The following FCRL4 variants were observed in gnomAD, a reference collection of about 807,000 sequenced individuals.
FCRL4 encodes the protein Fc receptor like 4.
In FCRL4, 43 loss-of-function variants were observed where a neutral mutation model predicts 64.1. The observed-to-expected ratio is 0.67, with a 90% CI of 0.53 to 0.87. The LOEUF is 0.87. Ranked by LOEUF, FCRL4 falls within the 40% of genes least tolerant of loss-of-function variation. FCRL4 has a pLI of 0.00. For missense variants in FCRL4, 656 were observed against 613.5 expected, an observed-to-expected ratio of 1.07 and a Z score of -0.73; for synonymous variants, 253 against 239.8, an observed-to-expected ratio of 1.05 and a Z score of -0.51.
intron 8 of FCRL4, 51 bp downstream of exon 8, chr1:157,580,270 A>G (rs775439074): frequency 1.2e-6 from 2 of 1,603,178 alleles, no homozygotes; most frequent in Non-Finnish European, 1.7e-6. Flanking sequence ...ACAGTTTTGC[A>G]TATTGTGTAC....
At chr1:157,579,108 G>T (rs1054378020) in intron 8 of FCRL4, among the ~76,000 whole-genome samples, 1 of 152,208 alleles carries the variant, frequency 6.6e-6, no homozygotes, top group African/African-American at 2.4e-5. Context: ...TGACATCATC[G>T]TAACAATCAT....
At chr1:157,590,633 T>C (rs1488906503) in intron 2 of FCRL4, among the ~76,000 whole-genome samples, 2 of 151,240 alleles carry the variant, frequency 1.3e-5, no homozygotes. Flanking sequence ...TTCTCCTGCC[T>C]CAGCCTCCTG....
In FCRL4 at chr1:157,587,552, G is replaced by C; in HGVS notation, c.571C>G (p.Pro191Ala). 6.2e-7 allele frequency: 1 copy of C among 1,613,624 alleles called. No individual in the cohort carries two copies. Among genetic ancestry groups the C allele is most frequent in the Non-Finnish European group, 8.5e-7 (1 of 1,179,988 alleles). Residue 191 changes from proline (P) to alanine (A), a missense_variant, in exon 5 of 12, where the codon CCA becomes GCA. Coordinates refer to ENST00000271532, the MANE Select transcript of FCRL4 (RefSeq NM_031282.3). Reference protein sequence around the residue: ...FKIIKIQELFPHPELKATDSQ... With the variant: ...FKIIKIQELFAHPELKATDSQ... The stretch of plus-strand genomic sequence containing the variant: ...TCTGTAGCTTTCAGCTCTGGATGTG[G>C]AAATAGTTCTAGAGAGAAGAGGTAA...
At chr1:157,578,418 T>C in intron 10 of FCRL4, 56 bp downstream of exon 10, 1 of 1,420,480 alleles carries the variant, frequency 7.0e-7, no homozygotes, top group South Asian at 1.1e-5. Flanking sequence ...GCTCAGTAAA[T>C]ATTTGTTGAA....
At chr1:157,585,550 C>T (rs556560127) in intron 6 of FCRL4, among the ~76,000 whole-genome samples, 7 of 152,058 alleles carry the variant, frequency 4.6e-5, no homozygotes, top group Non-Finnish European at 8.8e-5. Context: ...GGCTTCTCAG[C>T]GATGGAGGAA....
intron 6 of FCRL4, among the ~76,000 whole-genome samples, chr1:157,582,027 C>A (rs911166681): frequency 6.6e-6 from 1 of 152,142 alleles, no homozygotes; most frequent in Non-Finnish European, 1.5e-5. Flanking sequence ...ATGAAAATTG[C>A]ACCACTGATT....
At chr1:157,595,725 CA>C (rs1257716381) in intron 2 of FCRL4, among the ~76,000 whole-genome samples, 1 of 152,236 alleles carries the variant, frequency 6.6e-6, no homozygotes, top group Non-Finnish European at 1.5e-5. Context: ...CAGTGCACCT[CA>C]AGGGGGCCAA....
intron 2 of FCRL4, among the ~76,000 whole-genome samples, chr1:157,595,084 G>A (rs957592334): frequency 6.6e-6 from 1 of 152,134 alleles, no homozygotes; most frequent in Non-Finnish European, 1.5e-5. Flanking sequence ...ATTTTCAGTA[G>A]AGATGAGGTT....
rs78308668 is a variant in FCRL4, at chr1:157,589,476, A to C, written c.53-18T>G. On this transcript the variant is annotated intron_variant, in intron 2 of 11. Transcript: ENST00000271532. ...TGCAGCTGCTGAGGAGGAAAGAGTAATAGGTCTGAGGTGGAGGTGCCTGCA... is the reference window on the plus strand; with the variant it reads ...TGCAGCTGCTGAGGAGGAAAGAGTACTAGGTCTGAGGTGGAGGTGCCTGCA... 5,198 of 1,612,316 alleles carry C rather than the reference A, an allele frequency of 3.2e-3. 141 individuals are homozygous for C. In the African/African-American group the frequency reaches 0.062, roughly 19 times the overall value.
intron 8 of FCRL4, 147 bp downstream of exon 8, chr1:157,580,174 A>G: frequency 1.2e-6 from 1 of 861,322 alleles, no homozygotes; most frequent in South Asian, 1.5e-5. Context: ...AGGAAGCTTC[A>G]TTTTTGACAA....
At chr1:157,576,135 T>A (rs1461226939) in intron 10 of FCRL4, among the ~76,000 whole-genome samples, 4 of 152,238 alleles carry the variant, frequency 2.6e-5, no homozygotes, top group African/African-American at 4.8e-5. Flanking sequence ...AAAAACTCTC[T>A]CCTACATTAA....
chr1:157,579,466 C>T (rs1024865027), intron 8 of FCRL4, among the ~76,000 whole-genome samples: 1 of 152,142 alleles, frequency 6.6e-6, no homozygotes, highest in African/African-American at 2.4e-5. Flanking sequence ...CCTGTAATCC[C>T]AGCACTTTGG....
intron 6 of FCRL4, among the ~76,000 whole-genome samples, chr1:157,583,615 A>AAG (rs1275299122): frequency 6.6e-6 from 1 of 152,178 alleles, no homozygotes; most frequent in Non-Finnish European, 1.5e-5. Flanking sequence ...GTAAGCCAGA[A>AAG]AGAGAGCCCT....
chr1:157,581,241 G>T (rs541747744), intron 7 of FCRL4, among the ~76,000 whole-genome samples: 2 of 152,350 alleles, frequency 1.3e-5, no homozygotes, highest in African/African-American at 4.8e-5. Flanking sequence ...AACTGCCTAA[G>T]TAAACTGTTC....
intron 6 of FCRL4, among the ~76,000 whole-genome samples, chr1:157,585,345 T>TCC (rs1553276891): frequency 8.1e-4 from 11 of 13,634 alleles, no homozygotes; most frequent in African/African-American, 3.3e-3. Flanking sequence ...TTTCTCTCTC[T>TCC]CTTTCTTTCT....
intron 2 of FCRL4, among the ~76,000 whole-genome samples, chr1:157,593,161 A>G (rs1652876154): frequency 6.6e-6 from 1 of 152,192 alleles, no homozygotes; most frequent in Admixed American, 6.5e-5. Flanking sequence ...GGTGCAGCAA[A>G]CCAACATGGC....
rs557969488 is a variant in FCRL4 at position 157,578,842 on chromosome 1, C to T, written c.1288G>A (p.Ala430Thr). ...FLGDETRLPP[A>T]PGPGESSHSI... is the part of the protein sequence containing the mutation. ...TGGGAGGACTCTCCTGGGCCTGGAG[C>T]GGGAGGGAGCCTGTGAGACACAGAA... is the stretch of plus-strand genomic sequence containing the variant. The change falls in exon 9 of 12, where the codon GCT (alanine) becomes ACT (threonine). Residue 430 changes from alanine to threonine, a missense_variant. Transcript: ENST00000271532. 5.4e-5 allele frequency: 87 copies of T among 1,612,438 alleles called. 1 individual carries two copies. In the South Asian group the frequency reaches 8.5e-4, roughly 16 times the overall value.
chr1:157,575,655 T>C (rs758299870), intron 11 of FCRL4, 44 bp downstream of exon 11: 1 of 1,612,210 alleles, frequency 6.2e-7, no homozygotes, highest in Non-Finnish European at 8.5e-7. Flanking sequence ...AGTGTGAGGC[T>C]GCAGGTAATG....
In FCRL4 at chr1:157,589,318, C is replaced by A. The variant is rs1652781673; in HGVS notation, c.193G>T (p.Glu65Ter). 4.3e-6 allele frequency: 7 copies of A among 1,614,194 alleles called. No individual in the cohort carries two copies. Among genetic ancestry groups the A allele is most frequent in the Non-Finnish European group, 5.9e-6 (7 of 1,180,034 alleles). Residue 65 changes from glutamate to a stop codon, truncating the protein, a stop_gained, in exon 3 of 12, where the codon GAA becomes TAA. Coordinates refer to ENST00000271532, the MANE Select transcript of FCRL4 (RefSeq NM_031282.3). LOFTEE classifies it high-confidence loss of function. ...TTTCCTGGGGTCAGGGTCAACTTTT[C>A]TCCCCAGTAGTGCCGATGATACCAT... ...TTWYHRHYWG[E>*]KLTLTPGNTL... is the part of the protein sequence containing the mutation.
Sources: allele counts gnomAD v4.1 joint callset (sites outside exome capture counted in the v4.1 genomes callset), GRCh38; gene constraint gnomAD v4.1.1; transcripts MANE v1.5; gene names NCBI Gene and HGNC (gene_info 2026-07-23, HGNC 2026-07-21).